The following ZMYM3 variants were observed in gnomAD, a reference collection of about 807,000 sequenced individuals.
ZMYM3 encodes the protein zinc finger MYM-type protein 3.
ZMYM3 carries 6 observed loss-of-function variants against 94.2 expected under a neutral mutation model. That is an observed-to-expected ratio of 0.06 (90% CI 0.03 to 0.13). The LOEUF (loss-of-function observed/expected upper bound fraction) is 0.13, where lower values mean the gene tolerates loss of function less well. Ranked by LOEUF, ZMYM3 falls within the 10% of genes least tolerant of loss-of-function variation. The probability of loss-of-function intolerance (pLI) is 1.00; values close to 1 mark genes in which losing one functional copy is unlikely to be tolerated. For missense variants in ZMYM3, 664 were observed against 1,132.6 expected (o/e 0.59, Z 5.94); for synonymous variants, 420 against 426.5 (o/e 0.98, Z 0.19).
rs762249935 is a variant in ZMYM3 at position 71,252,592 on chromosome X, G to T, written c.664C>A (p.Pro222Thr). The change falls in exon 2 of 25, where the codon CCA becomes ACA. Residue 222 changes from proline (P) to threonine (T), a missense_variant. Pro to Thr is a conservative substitution (Grantham distance 38). Coordinates refer to ENST00000314425, the MANE Select transcript of ZMYM3 (RefSeq NM_201599.3). Reference protein sequence around the residue: ...GSSPPAHPSLPGDGLTAKASE... With the variant: ...GSSPPAHPSLTGDGLTAKASE... ...TCCAGATAATTAGGCAACCTACCTG[G>T]CAAGGAAGGATGTGCAGGGGGGCTA... 2.6e-6 allele frequency: 3 copies of T among 1,135,707 alleles called. No individual in the cohort carries two copies. In the Admixed American group the frequency reaches 9.2e-5, roughly 35 times the overall value. 93.6% of individuals were successfully genotyped at this position (1,135,707 alleles called of 1,213,427 possible).
In ZMYM3 at chrX:71,245,322, G is replaced by C. The variant is rs1275017593; in HGVS notation, c.3007+17C>G. ...AATGCTACCATACTCAGTGGGCATG[G>C]CTCCAATCTTACTCACTCTTAGGGA... On this transcript the variant is annotated intron_variant, in intron 18 of 24. Coordinates refer to ENST00000314425, the MANE Select transcript of ZMYM3 (RefSeq NM_201599.3). The C allele has an allele frequency of 8.3e-7, 1 of 1,208,606 alleles. No homozygotes were observed. Among genetic ancestry groups the C allele is most frequent in the Non-Finnish European group, 1.1e-6 (1 of 894,163 alleles).
rs2030221704 is a variant in ZMYM3, at chrX:71,247,283, G to A, written c.2314+62C>T. 6 of 1,077,189 alleles carry A rather than the reference G, an allele frequency of 5.6e-6. No individual in the cohort carries two copies. The African/African-American group carries it at 9.2e-5, about 16-fold the overall frequency. The allele number at this position is 1,077,189 out of a possible 1,213,427, so 88.8% of individuals were successfully genotyped here. ...CGCAAGAGGAAGGAGAAAGGGGCTA[G>A]GCTTAGGATTAGGAGAGTCCAGGCT... On this transcript the variant is annotated intron_variant, in intron 13 of 24. Transcript: ENST00000314425.
chrX:71,251,042 T>C (rs2030440006), intron 4 of ZMYM3, 136 bp downstream of exon 4: 2 of 660,563 alleles, frequency 3.0e-6, no homozygotes, highest in Admixed American at 2.9e-5. Flanking sequence ...TGCCAACCCA[T>C]AGCAGAGACA....
chrX:71,249,928 C>A, intron 6 of ZMYM3, 98 bp downstream of exon 6: 1 of 1,085,616 alleles, frequency 9.2e-7, no homozygotes, highest in Non-Finnish European at 1.2e-6. Flanking sequence ...CCTCCCCACT[C>A]CCCTTTCCAC....
rs369276076 is a variant in ZMYM3 at position 71,251,281 on chromosome X, C to T, written c.712-37G>A. The T allele has an allele frequency of 6.9e-5, 81 of 1,166,959 alleles. No homozygotes were observed. The African/African-American group carries it at 1.2e-3, about 17-fold the overall frequency. ...AAAGATGGGAGGGGAGGAAAACTGA[C>T]ACCCTGGCCAGGCTAACACTAGTAC... is the stretch of plus-strand genomic sequence containing the variant. On this transcript the variant is annotated intron_variant, in intron 3 of 24. Transcript: ENST00000314425.
At position 71,247,910 on chromosome X, in the gene ZMYM3, G is replaced by A. The variant is rs1209709733; in HGVS notation, c.1976-4C>T. The A allele has an allele frequency of 8.5e-7, 1 of 1,182,898 alleles. No homozygotes were observed. Among genetic ancestry groups the A allele is most frequent in the East Asian group, 3.0e-5 (1 of 32,829 alleles). On this transcript the variant is annotated splice_region_variant and splice_polypyrimidine_tract_variant and intron_variant, in intron 11 of 24. Transcript: ENST00000314425. ...TGTTTGTACAGCAGCACACAGCCTG[G>A]AAAGAGGAGAAGAGGAAAGAGAGTC...
At chrX:71,251,479 A>C in intron 3 of ZMYM3, 79 bp downstream of exon 3, 1 of 1,114,064 alleles carries the variant, frequency 9.0e-7, no homozygotes, top group Non-Finnish European at 1.2e-6. Context: ...ACAGAACAAC[A>C]TCTGGGAGGG....
intron 4 of ZMYM3, among the ~76,000 whole-genome samples, 166 bp downstream of exon 4, chrX:71,251,012 C>G: frequency 9.0e-6 from 1 of 111,236 alleles, no homozygotes; most frequent in Middle Eastern, 4.6e-3. Flanking sequence ...TTCAATTTCC[C>G]CCACTGCCCC....
chrX:71,245,732 G>A lies in ZMYM3; in HGVS notation c.2796C>T (p.Ile932=), dbSNP rs2030136712. The stretch of plus-strand genomic sequence containing the variant: ...CTGCAATCATTTCTGCCATAGCCAG[G>A]ATGTCGGCCTCCAAGGGGTTGGAAG... The part of the protein sequence containing the change: ...KIPSNPLEAD[I]LAMAEMIAEA... The change falls in exon 17 of 25, where the codon ATC becomes ATT. Residue 932 remains isoleucine, a synonymous_variant. Coordinates refer to ENST00000314425, the MANE Select transcript of ZMYM3 (RefSeq NM_201599.3). The A allele has an allele frequency of 2.5e-6, 3 of 1,211,709 alleles. No homozygotes were observed. The highest frequency in any genetic ancestry group is 3.3e-6 in the Non-Finnish European group (3 of 895,528).
rs2029907505 is a variant in ZMYM3 at position 71,240,691 on chromosome X, G to A, written c.*225C>T. The A allele has an allele frequency of 1.1e-5, 4 of 373,262 alleles. No individual in the cohort carries two copies. The highest frequency in any genetic ancestry group is 1.4e-5 in the Non-Finnish European group (3 of 218,086). The allele number at this position is 373,262 out of a possible 1,213,427, so 30.8% of individuals were successfully genotyped here. On this transcript the variant is annotated 3_prime_UTR_variant, in exon 25 of 25. Coordinates refer to ENST00000314425, the MANE Select transcript of ZMYM3 (RefSeq NM_201599.3). ...GGCAAGCTGGCTTTTGCCCATCACT[G>A]GGAGACCAGCCCCTGAGTACAGAAG...
upstream of ZMYM3, chrX:71,255,203 CTCTT>C (rs1168854978): frequency 2.0e-5 from 2 of 98,773 alleles, no homozygotes; most frequent in Non-Finnish European, 4.1e-5. Flanking sequence ...GTCTGTCTCT[CTCTT>C]CTCGCTCTCT....
chrX:71,246,157 C>G, intron 15 of ZMYM3, 59 bp from the exon 16 acceptor site: 1 of 1,128,929 alleles, frequency 8.9e-7, no homozygotes, highest in Non-Finnish European at 1.2e-6. Flanking sequence ...ATCTGACCCA[C>G]CAAAAGCTCT....
intron 2 of ZMYM3, 98 bp downstream of exon 2, chrX:71,252,491 C>T: frequency 1.1e-6 from 1 of 927,913 alleles, no homozygotes; most frequent in Non-Finnish European, 1.4e-6. Context: ...CTTATCTCTC[C>T]ACCCTCCTCC....
In ZMYM3 at chrX:71,248,320, G is replaced by T. The variant is rs984458547; in HGVS notation, c.1825-8C>A. ...GAACTGGAACACTTGGTCCTGAGGT[G>T]GGGGCACAGGGCAGGGAGGACAAGC... On this transcript the variant is annotated splice_polypyrimidine_tract_variant and splice_region_variant and intron_variant, in intron 10 of 24. Coordinates refer to ENST00000314425, the MANE Select transcript of ZMYM3 (RefSeq NM_201599.3). 1 of 1,196,407 alleles carries T rather than the reference G, an allele frequency of 8.4e-7. No individual in the cohort carries two copies. The highest frequency in any genetic ancestry group is 3.0e-5 in the East Asian group (1 of 33,513).
At chrX:71,251,321 G>C (rs887038839) in intron 3 of ZMYM3, 77 bp from the exon 4 acceptor site, 31 of 507,092 alleles carry the variant, frequency 6.1e-5, no homozygotes, top group Non-Finnish European at 9.6e-5. Flanking sequence ...TTTGGGGGGG[G>C]ATAGAAGATG....
At chrX:71,251,461 C>A in intron 3 of ZMYM3, 97 bp downstream of exon 3, 1 of 1,074,546 alleles carries the variant, frequency 9.3e-7, no homozygotes, top group Non-Finnish European at 1.2e-6. Flanking sequence ...TCCTTACACA[C>A]ACTCTCTACA....
chrX:71,246,348 C>T lies in ZMYM3; in HGVS notation c.2572+5G>A. 8.3e-7 allele frequency: 1 copy of T among 1,210,783 alleles called. No homozygotes were observed. Among genetic ancestry groups the T allele is most frequent in the Non-Finnish European group, 1.1e-6 (1 of 895,266 alleles). On this transcript the variant is annotated splice_donor_5th_base_variant and intron_variant, in intron 15 of 24. Coordinates refer to ENST00000314425, the MANE Select transcript of ZMYM3 (RefSeq NM_201599.3). ...AGCCTGTGGCATCGAGGTACCCTGG[C>T]TCACCTGTTTGACTTCCTTTGGACT...
At chrX:71,243,225 GC>G in intron 21 of ZMYM3, 141 bp from the exon 22 acceptor site, 1 of 502,529 alleles carries the variant, frequency 2.0e-6, no homozygotes, top group Admixed American at 3.4e-5. Context: ...GGCCTCGAGT[GC>G]TTTCCCCCAG....
At chrX:71,255,123 TC>T (rs2030703017), upstream of ZMYM3, 1 of 91,644 alleles carries the variant, frequency 1.1e-5, no homozygotes, top group East Asian at 3.6e-4. Flanking sequence ...TCTCTCTCTC[TC>T]TCTCTCTCTC....
Sources: gnomAD v4.1 joint callset for allele counts (sites outside exome capture counted in the v4.1 genomes callset) on GRCh38, gnomAD v4.1.1 for gene constraint, MANE v1.5 for transcripts, NCBI Gene and HGNC (gene_info 2026-07-23, HGNC 2026-07-21) for gene names.